DTD1: variants seen among roughly 807,000 people sequenced by gnomAD.
DTD1 encodes the protein D-aminoacyl-tRNA deacylase 1, also known as D-tyrosyl-tRNA deacylase 1 homolog.
In DTD1, 13 loss-of-function variants were observed where a neutral mutation model predicts 25.6. The ratio of observed to expected loss-of-function variants is 0.51; its 90% confidence interval spans 0.33 to 0.81. The LOEUF (loss-of-function observed/expected upper bound fraction) is 0.81. Ranked by LOEUF, DTD1 falls within the 30% of genes least tolerant of loss-of-function variation. DTD1 has a pLI of 0.02. For missense variants in DTD1, 193 were observed against 266.4 expected, an observed-to-expected ratio of 0.72 and a Z score of 1.92; for synonymous variants, 110 against 103.6, an observed-to-expected ratio of 1.06 and a Z score of -0.37.
chr20:18,655,205 TG>T lies in DTD1; in HGVS notation c.477+26973del, dbSNP rs2060887399. Among the ~76,000 whole-genome samples the T allele has an allele frequency of 2.6e-5, 4 of 152,340 alleles. No individual in the cohort carries two copies. The Middle Eastern group carries it at 0.01, about 389-fold the overall frequency. On this transcript the variant is annotated intron_variant, in intron 4 of 5. Transcript: ENST00000377452. ...GGGAATGCTTCCAATTTAGTATCTT[TG>T]TTTTTCAGAGAAGGTTATGAACTCT... is the stretch of plus-strand genomic sequence containing the variant.
chr20:18,669,234 C>A (rs2060943312), intron 4 of DTD1, among the ~76,000 whole-genome samples: 1 of 152,188 alleles, frequency 6.6e-6, no homozygotes, highest in Non-Finnish European at 1.5e-5. Flanking sequence ...TTTGGCCACA[C>A]AGTGTGGAAG....
intron 4 of DTD1, among the ~76,000 whole-genome samples, chr20:18,737,406 C>G (rs1038302448): frequency 1.3e-5 from 2 of 149,450 alleles, no homozygotes; most frequent in African/African-American, 4.9e-5. Context: ...CCCTGGAGAC[C>G]CCCCCATACT....
At chr20:18,746,447 T>G (rs945407843) in intron 5 of DTD1, among the ~76,000 whole-genome samples, 1 of 152,112 alleles carries the variant, frequency 6.6e-6, no homozygotes, top group Non-Finnish European at 1.5e-5. Context: ...CCTGTAATCC[T>G]AGCACTTTGG....
intron 4 of DTD1, among the ~76,000 whole-genome samples, chr20:18,680,289 A>G (rs2060991512): frequency 2.0e-5 from 3 of 150,966 alleles, no homozygotes; most frequent in South Asian, 4.2e-4. Context: ...GGCTCAAGTA[A>G]TCCTCCCCAC....
intron 4 of DTD1, among the ~76,000 whole-genome samples, chr20:18,649,863 C>T (rs908724427): frequency 4.6e-5 from 7 of 152,168 alleles, no homozygotes; most frequent in East Asian, 1.9e-4. Flanking sequence ...GTATCACCTC[C>T]GCTCATGCTC....
intron 3 of DTD1, among the ~76,000 whole-genome samples, chr20:18,601,574 T>A (rs1255595342): frequency 2.7e-5 from 4 of 148,796 alleles, no homozygotes; most frequent in South Asian, 4.3e-4. Context: ...CAGCTGGAGA[T>A]CTGAGAACCG....
intron 4 of DTD1, among the ~76,000 whole-genome samples, chr20:18,654,148 C>T (rs570441428): frequency 6.6e-6 from 1 of 152,324 alleles, no homozygotes; most frequent in African/African-American, 2.4e-5. Flanking sequence ...CCACCCAAAT[C>T]TCATCTTGAA....
At chr20:18,595,942 G>T (rs1464188545) in intron 2 of DTD1, 64 bp from the exon 3 acceptor site, 4 of 1,403,156 alleles carry the variant, frequency 2.9e-6, no homozygotes, top group South Asian at 1.2e-5. Context: ...CATTTTTGGG[G>T]TATGGAGTGT....
At chr20:18,758,734 A>G (rs1277009080) in intron 5 of DTD1, among the ~76,000 whole-genome samples, 1 of 152,212 alleles carries the variant, frequency 6.6e-6, no homozygotes, top group Non-Finnish European at 1.5e-5. Context: ...TGCTGAAAAG[A>G]ACGTATATCC....
intron 4 of DTD1, among the ~76,000 whole-genome samples, chr20:18,670,104 C>T (rs1322251691): frequency 3.3e-5 from 5 of 152,068 alleles, no homozygotes; most frequent in Non-Finnish European, 7.4e-5. Context: ...ATGGGATGTC[C>T]GTGTGTGTGT....
At chr20:18,728,263 G>A (rs1457924572) in intron 4 of DTD1, among the ~76,000 whole-genome samples, 1 of 151,904 alleles carries the variant, frequency 6.6e-6, no homozygotes, top group Admixed American at 6.6e-5. Context: ...AGAGGGCGGG[G>A]CCATCACCCT....
intron 4 of DTD1, chr20:18,643,275 C>T (rs540199712): frequency 2.0e-5 from 7 of 342,100 alleles, no homozygotes; most frequent in African/African-American, 4.3e-5. Context: ...ATGGGTTTTT[C>T]ATAAATGCCT....
intron 4 of DTD1, among the ~76,000 whole-genome samples, chr20:18,662,116 C>T (rs997129270): frequency 2.6e-5 from 4 of 152,066 alleles, no homozygotes; most frequent in Admixed American, 1.3e-4. Flanking sequence ...TGCACCACTG[C>T]GGTCCAGCCT....
At chr20:18,759,604 G>A (rs529904111) in intron 5 of DTD1, among the ~76,000 whole-genome samples, 31 of 152,312 alleles carry the variant, frequency 2.0e-4, no homozygotes, top group African/African-American at 7.5e-4. Flanking sequence ...CGAGAGATCC[G>A]CTGTTAGTCT....
At chr20:18,621,258 C>T (rs1461638583) in intron 3 of DTD1, among the ~76,000 whole-genome samples, 3 of 152,164 alleles carry the variant, frequency 2.0e-5, no homozygotes, top group Non-Finnish European at 4.4e-5. Flanking sequence ...TTGTGTCCGC[C>T]TGATGTCTTC....
At chr20:18,696,726 G>C (rs1052410437) in intron 4 of DTD1, among the ~76,000 whole-genome samples, 2 of 151,824 alleles carry the variant, frequency 1.3e-5, no homozygotes, top group African/African-American at 4.8e-5. Context: ...AGCTAATCTT[G>C]TAGTTTTAGT....
At chr20:18,706,327 T>C (rs116389894) in intron 4 of DTD1, among the ~76,000 whole-genome samples, 2,080 of 152,348 alleles carry the variant, frequency 0.014, 33 homozygotes, top group African/African-American at 0.02. Flanking sequence ...TTGCTCTTCG[T>C]TGGCACCTGG....
intron 4 of DTD1, among the ~76,000 whole-genome samples, chr20:18,649,864 G>A (rs112847639): frequency 0.01 from 1,598 of 152,214 alleles, 35 homozygotes; most frequent in African/African-American, 0.037. Context: ...TATCACCTCC[G>A]CTCATGCTCA....
intron 4 of DTD1, among the ~76,000 whole-genome samples, chr20:18,721,171 A>G (rs1364425104): frequency 1.3e-5 from 2 of 152,186 alleles, no homozygotes; most frequent in East Asian, 1.9e-4. Context: ...CAATGCTTCT[A>G]TTGTTTCACC....
Sources: gnomAD v4.1 joint callset for allele counts (sites outside exome capture counted in the v4.1 genomes callset) on GRCh38, gnomAD v4.1.1 for gene constraint, MANE v1.5 for transcripts, NCBI Gene and HGNC (gene_info 2026-07-23, HGNC 2026-07-21) for gene names.